The following AKAP11 variants were observed in gnomAD, a reference collection of about 807,000 sequenced individuals.
AKAP11 encodes the protein A-kinase anchor protein 11.
In AKAP11, 36 loss-of-function variants were observed where a neutral mutation model predicts 146.1. The observed-to-expected ratio is 0.25, with a 90% CI of 0.19 to 0.33. The LOEUF is 0.33. AKAP11 is among the 10% of genes least tolerant of loss of function. The probability of loss-of-function intolerance (pLI) is 1.00; values close to 1 mark genes in which losing one functional copy is unlikely to be tolerated. For synonymous variants in AKAP11, 780 were observed against 786.5 expected (o/e 0.99, Z 0.14); for missense variants, 2,201 against 2,197.0 (o/e 1.00, Z -0.04).
chr13:42,318,182 A>C (rs777240516), intron 12 of AKAP11, among the ~76,000 whole-genome samples: 11 of 152,236 alleles, frequency 7.2e-5, no homozygotes, highest in Admixed American at 5.2e-4. Context: ...GATGCTTACT[A>C]TGTGCCAAGT....
In AKAP11 at chr13:42,300,630, A is replaced by G. The variant is rs899983160; in HGVS notation, c.1884A>G (p.Leu628=). 6.2e-7 allele frequency: 1 copy of G among 1,614,056 alleles called. No individual in the cohort carries two copies. The highest frequency in any genetic ancestry group is 2.2e-5 in the East Asian group (1 of 44,880). The change falls in exon 8 of 13, where the codon TTA becomes TTG. Residue 628 remains leucine (L), a synonymous_variant. Transcript: ENST00000025301. ...FLVSEALSNA[L]KDLQYVKKQI... ...TGAGTGAAGCTTTATCAAATGCCTT[A>G]AAAGATTTACAGTATGTAAAGAAGC...
intron 1 of AKAP11, among the ~76,000 whole-genome samples, chr13:42,273,970 G>A (rs1429662149): frequency 6.6e-6 from 1 of 152,224 alleles, no homozygotes; most frequent in East Asian, 1.9e-4. Flanking sequence ...TGAATGGGCA[G>A]AGGAGACCAG....
chr13:42,281,627 T>C (rs749091055), intron 1 of AKAP11, among the ~76,000 whole-genome samples: 1 of 152,108 alleles, frequency 6.6e-6, no homozygotes. Context: ...AAACTCAACA[T>C]ACATAGACAC....
Position 42,321,340 on chromosome 13 carries a change from C to T in AKAP11, c.*2112C>T, listed in dbSNP as rs1440538978. On this transcript the variant is annotated 3_prime_UTR_variant, in exon 13 of 13. Transcript: ENST00000025301. ...TTCTGAGGTGAGGCTTTTCTTATTT[C>T]CTTTGCATTTTGCTAGAGCTGTGCT... 6.6e-6 allele frequency: 1 copy of T among 152,230 alleles called. No individual in the cohort carries two copies. Among genetic ancestry groups the T allele is most frequent in the Non-Finnish European group, 1.5e-5 (1 of 67,988 alleles). 9.4% of individuals were successfully genotyped at this position (152,230 alleles called of 1,614,324 possible). A position where few individuals can be genotyped will look rare whatever the true frequency, so the allele number is the denominator to read the frequency against.
chr13:42,275,890 C>G (rs1296917155), intron 1 of AKAP11, among the ~76,000 whole-genome samples: 1 of 152,210 alleles, frequency 6.6e-6, no homozygotes, highest in African/African-American at 2.4e-5. Context: ...TACTGTGATA[C>G]AGGCTTCTGG....
chr13:42,317,764 A>AGAT, intron 12 of AKAP11, 76 bp downstream of exon 12: 1 of 1,485,698 alleles, frequency 6.7e-7, no homozygotes, highest in South Asian at 1.3e-5. Flanking sequence ...TGGTCTAACA[A>AGAT]GATGCCTGGT....
chr13:42,275,976 A>G (rs1362002013), intron 1 of AKAP11, among the ~76,000 whole-genome samples: 1 of 152,106 alleles, frequency 6.6e-6, no homozygotes, highest in Non-Finnish European at 1.5e-5. Flanking sequence ...GCTTAAAACC[A>G]TTTCTTGACT....
chr13:42,300,257 T>C lies in AKAP11; in HGVS notation c.1511T>C (p.Leu504Pro). Residue 504 changes from leucine to proline, a missense_variant, in exon 8 of 13, where the codon CTT becomes CCT. Leu to Pro is a moderately conservative substitution (Grantham distance 98). Around this residue, in one of 3 missense-constraint regions of AKAP11, gnomAD observed 1,867 missense variants for 1,833.5 expected, o/e 1.02. Transcript: ENST00000025301. The part of the protein sequence containing the change: ...SISCEVLGSV[L>P]RTHHTNTLSN... The stretch of plus-strand genomic sequence containing the variant: ...TCATGTGAAGTACTAGGCTCAGTTC[T>C]TCGTACCCACCATACTAATACCCTA... 6.2e-7 allele frequency: 1 copy of C among 1,613,906 alleles called. No homozygotes were observed. The highest frequency in any genetic ancestry group is 8.5e-7 in the Non-Finnish European group (1 of 1,179,864).
chr13:42,272,474 G>A (rs1318034582), intron 1 of AKAP11, among the ~76,000 whole-genome samples: 2 of 152,224 alleles, frequency 1.3e-5, no homozygotes, highest in South Asian at 4.1e-4. Flanking sequence ...GGGAGGTGCT[G>A]GGTCTCGAGA....
At chr13:42,278,189 C>G (rs1958974103) in intron 1 of AKAP11, among the ~76,000 whole-genome samples, 1 of 151,904 alleles carries the variant, frequency 6.6e-6, no homozygotes, top group Non-Finnish European at 1.5e-5. Context: ...ATTGTGAATG[C>G]AGGAATGAGG....
chr13:42,303,778 G>A lies in AKAP11; in HGVS notation c.5032G>A (p.Gly1678Arg), dbSNP rs747035955. 53 of 1,613,576 alleles carry A rather than the reference G, an allele frequency of 3.3e-5. No homozygotes were observed. Among genetic ancestry groups the A allele is most frequent in the South Asian group, 1.8e-4 (16 of 90,950 alleles). Reference sequence around the variant, plus strand: ...CAGCCTGGCAGCCGACAGTGGGATCGGACAGGAGGGTGCCAGCTTTGCTGA... The same window carrying A: ...CAGCCTGGCAGCCGACAGTGGGATCAGACAGGAGGGTGCCAGCTTTGCTGA... ...STSLAADSGI[G>R]QEGASFAESL... Residue 1678 changes from glycine to arginine, a missense_variant, in exon 8 of 13, where the codon GGA becomes AGA. This residue lies in a region of AKAP11 where 1,867 missense variants were observed against 1,833.5 expected (regional missense o/e 1.02). Coordinates refer to ENST00000025301, the MANE Select transcript of AKAP11 (RefSeq NM_016248.4).
chr13:42,301,122 T>C lies in AKAP11; in HGVS notation c.2376T>C (p.Tyr792=), dbSNP rs61741710. 17,175 of 1,614,118 alleles carry C rather than the reference T, an allele frequency of 0.011. 170 individuals carry two copies. The highest frequency in any genetic ancestry group is 0.035 in the South Asian group (3,225 of 91,064). The change falls in exon 8 of 13, where the codon TAT becomes TAC. Residue 792 remains tyrosine (Y), a synonymous_variant. Coordinates refer to ENST00000025301, the MANE Select transcript of AKAP11 (RefSeq NM_016248.4). ...TGGCAGGAAGTGCCCTTCTCCCATA[T>C]CATATTTCATCTACTGCATGTCAGG... ...VPLAGSALLP[Y]HISSTACQAK... is the part of the protein sequence containing the mutation.
In AKAP11 at chr13:42,300,732, G is replaced by T; in HGVS notation, c.1986G>T (p.Val662=). 2 of 1,614,070 alleles carry T rather than the reference G, an allele frequency of 1.2e-6. No individual in the cohort carries two copies. Among genetic ancestry groups the T allele is most frequent in the African/African-American group, 1.3e-5 (1 of 75,050 alleles). The change falls in exon 8 of 13, where the codon GTG becomes GTT. Residue 662 remains valine (V), a synonymous_variant. Coordinates refer to ENST00000025301, the MANE Select transcript of AKAP11 (RefSeq NM_016248.4). ...TTGTTTTTGAAGGCATCATGGAGGT[G>T]TGTCAGTTTTCATATCCTCAAACGC... ...EELVFEGIME[V]CQFSYPQTPA...
chr13:42,318,005 A>C (rs1338654007), intron 12 of AKAP11, among the ~76,000 whole-genome samples: 1 of 152,246 alleles, frequency 6.6e-6, no homozygotes, highest in African/African-American at 2.4e-5. Context: ...TCAAAGGTAG[A>C]TGCTATTAAT....
rs1255739549 is a variant in AKAP11 at position 42,320,029 on chromosome 13, T to A, written c.*801T>A. 6.6e-6 allele frequency: 1 copy of A among 152,470 alleles called. No homozygotes were observed. The highest frequency in any genetic ancestry group is 1.9e-4 in the East Asian group (1 of 5,294). The allele number at this position is 152,470 out of a possible 1,614,324, so 9.4% of individuals were successfully genotyped here. On this transcript the variant is annotated 3_prime_UTR_variant, in exon 13 of 13. Transcript: ENST00000025301. ...TTTTTAGAAACCCACTGTTAAAATTTAAAAAGGTGCTTTAAAATAAAACGC... is the reference window on the plus strand; with the variant it reads ...TTTTTAGAAACCCACTGTTAAAATTAAAAAAGGTGCTTTAAAATAAAACGC...
rs1480026603 is a variant in AKAP11 at position 42,272,177 on chromosome 13, G to A, written c.-151G>A. On this transcript the variant is annotated 5_prime_UTR_variant, in exon 1 of 13. Coordinates refer to ENST00000025301, the MANE Select transcript of AKAP11 (RefSeq NM_016248.4). ...AGCTTGCTTGCCCGGCTCGCTCACG[G>A]GTCGTTGAGGCCGGTGACATGTCTG... 1 of 153,100 alleles carries A rather than the reference G, an allele frequency of 6.5e-6. No homozygotes were observed. The highest frequency in any genetic ancestry group is 1.5e-5 in the Non-Finnish European group (1 of 68,216). The allele number at this position is 153,100 out of a possible 1,614,324, so 9.5% of individuals were successfully genotyped here.
At chr13:42,273,441 A>G (rs562209737) in intron 1 of AKAP11, among the ~76,000 whole-genome samples, 38 of 152,138 alleles carry the variant, frequency 2.5e-4, no homozygotes, top group African/African-American at 8.9e-4. Flanking sequence ...TCCTCCTGAC[A>G]AAACTGACCC....
chr13:42,278,601 G>C (rs1256309039), intron 1 of AKAP11, among the ~76,000 whole-genome samples: 1 of 151,736 alleles, frequency 6.6e-6, no homozygotes, highest in Non-Finnish European at 1.5e-5. Flanking sequence ...ATCCTATTTT[G>C]TCATACATTT....
intron 8 of AKAP11, 67 bp from the exon 9 acceptor site, chr13:42,308,387 T>C (rs894504050): frequency 7.7e-7 from 1 of 1,295,272 alleles, no homozygotes; most frequent in Non-Finnish European, 1.1e-6. Flanking sequence ...ATCAAATTGA[T>C]AGTCTTGTAA....
Sources: allele counts gnomAD v4.1 joint callset (sites outside exome capture counted in the v4.1 genomes callset), GRCh38; gene constraint gnomAD v4.1.1; regional missense constraint gnomAD v4.1.1; transcripts MANE v1.5; gene names NCBI Gene and HGNC (gene_info 2026-07-23, HGNC 2026-07-21).